The following KIAA1549L variants were observed in gnomAD, a reference collection of about 807,000 sequenced individuals.
KIAA1549L encodes UPF0606 protein KIAA1549L.
In KIAA1549L, 88 loss-of-function variants were observed where a neutral mutation model predicts 160.7. The observed-to-expected ratio is 0.55, with a 90% CI of 0.46 to 0.65. The LOEUF (loss-of-function observed/expected upper bound fraction) is 0.65, where lower values mean the gene tolerates loss of function less well. KIAA1549L is among the 30% of genes least tolerant of loss of function. The pLI, the probability that KIAA1549L is intolerant of heterozygous loss-of-function variation, is 0.00. For missense variants in KIAA1549L, 2,258 were observed against 2,437.5 expected (o/e 0.93, Z 1.55); for synonymous variants, 950 against 976.7 (o/e 0.97, Z 0.51).
rs557252563 is a variant in KIAA1549L, at chr11:33,643,062, A to G, written c.5410-2624A>G. On this transcript the variant is annotated intron_variant, in intron 16 of 20. Coordinates refer to ENST00000658780, the MANE Select transcript of KIAA1549L (RefSeq NM_012194.3). ...GCTAGTCTTGTTTCTATCTGTAGCT[A>G]TCGAGAGATGATTGGTGGCCGCATC... Among the ~76,000 whole-genome samples, 250 of 152,274 alleles carry G rather than the reference A, an allele frequency of 1.6e-3. 2 individuals are homozygous for G. Among genetic ancestry groups the G allele is most frequent in the Non-Finnish European group, 2.8e-3 (191 of 68,022 alleles).
At chr11:33,418,654 A>C (rs1314300761) in intron 1 of KIAA1549L, among the ~76,000 whole-genome samples, 1 of 152,082 alleles carries the variant, frequency 6.6e-6, no homozygotes, top group Non-Finnish European at 1.5e-5. Flanking sequence ...TTCATTGCAA[A>C]CCATTCTTCT....
At chr11:33,518,909 A>G (rs1055300011) in intron 1 of KIAA1549L, among the ~76,000 whole-genome samples, 1 of 152,186 alleles carries the variant, frequency 6.6e-6, no homozygotes. Flanking sequence ...CAAATCTGGA[A>G]ATCTGAAATC....
chr11:33,585,011 A>G (rs1855766204), intron 11 of KIAA1549L, among the ~76,000 whole-genome samples: 1 of 152,208 alleles, frequency 6.6e-6, no homozygotes, highest in African/African-American at 2.4e-5. Flanking sequence ...CACTTCAGCA[A>G]AAGAAATCAA....
chr11:33,600,530 G>A (rs1564918545), intron 13 of KIAA1549L, among the ~76,000 whole-genome samples: 2 of 142,388 alleles, frequency 1.4e-5, no homozygotes, highest in Non-Finnish European at 3.0e-5. Context: ...TCCCAGCTCC[G>A]CCTACTCCCT....
At chr11:33,389,660 A>G (rs1239646001) in intron 1 of KIAA1549L, among the ~76,000 whole-genome samples, 5 of 152,226 alleles carry the variant, frequency 3.3e-5, no homozygotes, top group African/African-American at 1.2e-4. Context: ...TCTCTAGTCC[A>G]GCAATAAACA....
chr11:33,504,304 G>C (rs778113829), intron 1 of KIAA1549L, among the ~76,000 whole-genome samples: 4 of 152,038 alleles, frequency 2.6e-5, no homozygotes, highest in Non-Finnish European at 5.9e-5. Flanking sequence ...TCTGATGTAA[G>C]AACTTTATTT....
intron 1 of KIAA1549L, among the ~76,000 whole-genome samples, chr11:33,442,445 C>T (rs1485122163): frequency 2.0e-5 from 3 of 152,056 alleles, no homozygotes; most frequent in African/African-American, 7.2e-5. Context: ...TAGTTTTTTC[C>T]AATTCTGTGA....
At chr11:33,422,905 T>C (rs959580710) in intron 1 of KIAA1549L, among the ~76,000 whole-genome samples, 4 of 152,156 alleles carry the variant, frequency 2.6e-5, no homozygotes, top group Admixed American at 6.5e-5. Flanking sequence ...TCATAGCCCC[T>C]ACCAATTGTA....
chr11:33,629,277 C>T (rs61888333), intron 16 of KIAA1549L, among the ~76,000 whole-genome samples: 1 of 152,070 alleles, frequency 6.6e-6, no homozygotes, highest in Non-Finnish European at 1.5e-5. Flanking sequence ...TGGAGTTGCT[C>T]TTCTCGAGGA....
rs1326017508 is a variant in KIAA1549L, at chr11:33,544,807, T to C, written c.2814T>C (p.Ala938=). The change falls in exon 3 of 21, where the codon GCT becomes GCC. Residue 938 remains alanine (A), a synonymous_variant. Coordinates refer to ENST00000658780, the MANE Select transcript of KIAA1549L (RefSeq NM_012194.3). The stretch of plus-strand genomic sequence containing the variant: ...CTAAGGTACAGCCAACAGCAGCAGC[T>C]GCCGTCACATTGTTTCTGAGGAAAT... ...VSSKVQPTAA[A]AVTLFLRKSS... is the part of the protein sequence containing the mutation. 6.2e-7 allele frequency: 1 copy of C among 1,608,656 alleles called. No homozygotes were observed. The highest frequency in any genetic ancestry group is 2.2e-5 in the East Asian group (1 of 44,714).
chr11:33,424,268 G>A (rs77839551), intron 1 of KIAA1549L, among the ~76,000 whole-genome samples: 389 of 152,242 alleles, frequency 2.6e-3, no homozygotes, highest in African/African-American at 8.7e-3. Flanking sequence ...TGTTATGAGA[G>A]TTTTGAGAAA....
intron 15 of KIAA1549L, among the ~76,000 whole-genome samples, chr11:33,614,572 ATATATATATATATT>A (rs1850751972): frequency 2.7e-4 from 4 of 14,882 alleles, no homozygotes; most frequent in Non-Finnish European, 3.9e-4. Context: ...ATATATATAT[ATATATATATATATT>A]TTTTTTTTTT....
Position 33,624,833 on chromosome 11 carries a change from G to A in KIAA1549L, c.5409+6171G>A, listed in dbSNP as rs185574635. 1.1e-3 allele frequency among the ~76,000 whole-genome samples: 163 copies of A among 147,790 alleles called. 1 individual carries two copies. Among genetic ancestry groups the A allele is most frequent in the African/African-American group, 3.6e-3 (145 of 39,964 alleles). ...GCAGGTTAGATACATATGTATACAT[G>A]TGCCATGCTGGTGCACTGCACCCAC... On this transcript the variant is annotated intron_variant, in intron 16 of 20. Transcript: ENST00000658780.
At chr11:33,665,762 A>G (rs938740901) in intron 20 of KIAA1549L, among the ~76,000 whole-genome samples, 1 of 151,808 alleles carries the variant, frequency 6.6e-6, no homozygotes, top group Non-Finnish European at 1.5e-5. Flanking sequence ...CTTGCCATTC[A>G]TGGCCCTGGG....
chr11:33,667,398 C>CT (rs781207358), intron 20 of KIAA1549L, among the ~76,000 whole-genome samples: 366 of 144,748 alleles, frequency 2.5e-3, no homozygotes, highest in Admixed American at 0.01. Flanking sequence ...TCCAAATTAC[C>CT]TTTTTTTTTT....
At chr11:33,630,433 C>T (rs994918499) in intron 16 of KIAA1549L, among the ~76,000 whole-genome samples, 1 of 152,330 alleles carries the variant, frequency 6.6e-6, no homozygotes, top group South Asian at 2.1e-4. Context: ...ATCAGCGAGA[C>T]TCCGTGGGCG....
rs1434511064 is a variant in KIAA1549L at position 33,381,704 on chromosome 11, A to G, written c.238+4815A>G. Among the ~76,000 whole-genome samples the G allele has an allele frequency of 5.9e-5, 9 of 152,232 alleles. No homozygotes were observed. The East Asian group carries it at 1.7e-3, about 29-fold the overall frequency. ...GTGGAGAGAAAAGTCTGTAAGGTCA[A>G]GTATGGAAGCCAGGAGATCAGGAAG... On this transcript the variant is annotated intron_variant, in intron 1 of 20. Coordinates refer to ENST00000658780, the MANE Select transcript of KIAA1549L (RefSeq NM_012194.3).
chr11:33,408,839 A>T (rs950751951), intron 1 of KIAA1549L, among the ~76,000 whole-genome samples: 7 of 149,626 alleles, frequency 4.7e-5, no homozygotes, highest in Non-Finnish European at 8.9e-5. Context: ...AATCCCAGCT[A>T]CTCGGGAGGG....
At chr11:33,561,586 T>C (rs1854860100) in intron 7 of KIAA1549L, 90 bp from the exon 8 acceptor site, 1 of 1,057,760 alleles carries the variant, frequency 9.5e-7, no homozygotes, top group Non-Finnish European at 1.5e-6. Context: ...GGGCAACATA[T>C]CAAGATCCCA....
Sources: gnomAD v4.1 joint callset for allele counts (sites outside exome capture counted in the v4.1 genomes callset) on GRCh38, gnomAD v4.1.1 for gene constraint, MANE v1.5 for transcripts, NCBI Gene and HGNC (gene_info 2026-07-23, HGNC 2026-07-21) for gene names.